TRPM3: variants seen among roughly 807,000 people sequenced by gnomAD.
TRPM3 encodes the protein long transient receptor potential channel 3.
A neutral mutation model predicts 181.2 loss-of-function variants in TRPM3; 77 were observed. That is an observed-to-expected ratio of 0.42 (90% CI 0.35 to 0.51). The LOEUF (loss-of-function observed/expected upper bound fraction) is 0.51. Ranked by LOEUF, TRPM3 falls within the 20% of genes least tolerant of loss-of-function variation. The pLI is 0.01. For missense variants in TRPM3, 1,759 were observed against 2,196.7 expected (o/e 0.80, Z 3.98); for synonymous variants, 745 against 796.4 (o/e 0.94, Z 1.09).
chr9:70,839,906 T>C (rs1337032), intron 5 of TRPM3, among the ~76,000 whole-genome samples: 80,401 of 151,994 alleles, frequency 0.53, 21,899 homozygotes, highest in Non-Finnish European at 0.56. Flanking sequence ...TGATTTTTAT[T>C]ATATAAAATG....
At position 71,420,736 on chromosome 9, in the gene TRPM3, A is replaced by G. The variant is rs560476136; in HGVS notation, c.183+25917T>C. On this transcript the variant is annotated intron_variant, in intron 1 of 24. Transcript: ENST00000357533. ...GAAAGAGAGAAAGAGAGAGAGAGAG[A>G]AAGAGAGAGAAAGAGAGAGAAAGAG... Among the ~76,000 whole-genome samples the G allele has an allele frequency of 1.9e-3, 117 of 61,028 alleles. 3 individuals are homozygous for G. Among genetic ancestry groups the G allele is most frequent in the Non-Finnish European group, 3.8e-3 (96 of 25,388 alleles). The allele number at this position is 61,028 out of a possible 152,430, so 40.0% of individuals were successfully genotyped here. A position where few individuals can be genotyped will look rare whatever the true frequency, so the allele number is the denominator to read the frequency against.
chr9:71,269,774 G>T (rs966270169), intron 1 of TRPM3, among the ~76,000 whole-genome samples: 5 of 152,166 alleles, frequency 3.3e-5, no homozygotes, highest in Non-Finnish European at 5.9e-5. Flanking sequence ...TGTGGATTTT[G>T]TTCCCTATAA....
intron 1 of TRPM3, among the ~76,000 whole-genome samples, chr9:71,204,079 T>C (rs2078969863): frequency 6.6e-6 from 1 of 151,368 alleles, no homozygotes; most frequent in Non-Finnish European, 1.5e-5. Flanking sequence ...GATTAAAGAC[T>C]TAAACATTAG....
chr9:70,970,219 C>A (rs768091456), intron 1 of TRPM3, among the ~76,000 whole-genome samples: 1 of 152,082 alleles, frequency 6.6e-6, no homozygotes, highest in African/African-American at 2.4e-5. Flanking sequence ...ATATTCCCAC[C>A]AGAGTGACTC....
chr9:70,686,690 C>CTTCCTTCCTGGAAACTCCTTCCTTCT (rs1563994395), intron 8 of TRPM3, among the ~76,000 whole-genome samples: 31 of 40,462 alleles, frequency 7.7e-4, no homozygotes, highest in African/African-American at 2.7e-3. Flanking sequence ...TCCTTCTTTC[C>CTTCCTTCCTGGAAACTCCTTCCTTCT]TTCCTTCCTT....
At position 70,848,907 on chromosome 9, in the gene TRPM3, G is replaced by C. The variant is rs1424776789; in HGVS notation, c.463-2316C>G. Among the ~76,000 whole-genome samples, 2 of 96,824 alleles carry C rather than the reference G, an allele frequency of 2.1e-5. 1 individual carries two copies. Among genetic ancestry groups the C allele is most frequent in the Non-Finnish European group, 4.3e-5 (2 of 46,042 alleles). The allele number at this position is 96,824 out of a possible 152,430, so 63.5% of individuals were successfully genotyped here. A position where few individuals can be genotyped will look rare whatever the true frequency, so the allele number is the denominator to read the frequency against. Reference sequence around the variant, plus strand: ...CAGGAGAATGGCTTGAACCCGGGAGGCGGAGCTTGCAGTGAGCCTAGATCG... The same window carrying C: ...CAGGAGAATGGCTTGAACCCGGGAGCCGGAGCTTGCAGTGAGCCTAGATCG... On this transcript the variant is annotated intron_variant, in intron 3 of 25. Coordinates refer to ENST00000677713, the MANE Select transcript of TRPM3 (RefSeq NM_001366145.2).
chr9:71,291,246 A>G lies in TRPM3; in HGVS notation c.183+155407T>C, dbSNP rs868440860. ...ATACCAGTTTTTCCAAAATTGGGAG[A>G]TTCACAACAATCAGTCAGAAGAGGC... On this transcript the variant is annotated intron_variant, in intron 1 of 24. Coordinates refer to the TRPM3 transcript ENST00000357533. Among the ~76,000 whole-genome samples, 28 of 152,260 alleles carry G rather than the reference A, an allele frequency of 1.8e-4. No homozygotes were observed. The Middle Eastern group carries it at 0.017, about 92-fold the overall frequency.
chr9:70,688,427 T>G (rs1451422207), intron 8 of TRPM3, among the ~76,000 whole-genome samples: 2 of 152,326 alleles, frequency 1.3e-5, no homozygotes, highest in African/African-American at 4.8e-5. Flanking sequence ...TACCCAATAT[T>G]GTACCCAACC....
intron 6 of TRPM3, among the ~76,000 whole-genome samples, chr9:70,816,046 A>G (rs1157123812): frequency 2.0e-5 from 3 of 152,236 alleles, no homozygotes; most frequent in Admixed American, 1.3e-4. Context: ...CAAGATGGAA[A>G]GGAAATCTCA....
intron 12 of TRPM3, among the ~76,000 whole-genome samples, chr9:70,629,216 G>GT (rs2065261818): frequency 3.3e-5 from 2 of 60,200 alleles, no homozygotes; most frequent in African/African-American, 1.6e-4. Flanking sequence ...GACCAGTGCC[G>GT]GGGGGGGGGG....
chr9:71,320,937 G>C (rs1470394176), intron 1 of TRPM3, among the ~76,000 whole-genome samples: 1 of 151,726 alleles, frequency 6.6e-6, no homozygotes, highest in Admixed American at 6.6e-5. Context: ...CCTTGACATC[G>C]CTCTCTCCCT....
chr9:70,636,484 A>G (rs1320960339), intron 11 of TRPM3, among the ~76,000 whole-genome samples: 1 of 152,178 alleles, frequency 6.6e-6, no homozygotes, highest in African/African-American at 2.4e-5. Context: ...GTCTTTCAGG[A>G]ATAGGAATGT....
At position 70,535,364 on chromosome 9, in the gene TRPM3, A is replaced by G; in HGVS notation, c.*589T>C. The stretch of plus-strand genomic sequence containing the variant: ...GTTACCTTGTTTTTTCTTTATAATG[A>G]TCAATTACAGAAGTGTTGGCATGAG... On this transcript the variant is annotated 3_prime_UTR_variant, in exon 26 of 26. Coordinates refer to ENST00000677713, the MANE Select transcript of TRPM3 (RefSeq NM_001366145.2). The G allele has an allele frequency of 6.6e-6, 10 of 1,519,916 alleles. No homozygotes were observed. The highest frequency in any genetic ancestry group is 8.0e-6 in the Non-Finnish European group (9 of 1,119,908). 94.2% of individuals were successfully genotyped at this position (1,519,916 alleles called of 1,614,324 possible).
intron 1 of TRPM3, among the ~76,000 whole-genome samples, chr9:71,420,801 A>AGAGAAAGAGAGAGAAAGAGAGAGAAAG (rs1565557524): frequency 3.6e-4 from 1 of 2,792 alleles, no homozygotes; most frequent in African/African-American, 1.2e-3. Flanking sequence ...GAGAGAAAGA[A>AGAGAAAGAGAGAGAAAGAGAGAGAAAG]AGAGAGAAAG....
At chr9:71,338,912 G>A (rs1254245888) in intron 1 of TRPM3, among the ~76,000 whole-genome samples, 1 of 152,080 alleles carries the variant, frequency 6.6e-6, no homozygotes, top group East Asian at 1.9e-4. Context: ...AATTCAATTA[G>A]ACACGAAACA....
At chr9:70,980,556 G>A (rs1291351685) in intron 1 of TRPM3, among the ~76,000 whole-genome samples, 2 of 152,086 alleles carry the variant, frequency 1.3e-5, no homozygotes, top group Non-Finnish European at 2.9e-5. Flanking sequence ...TGCTCCCCGG[G>A]GTTCTGAGGC....
chr9:71,062,122 T>G (rs2061402735), intron 1 of TRPM3, among the ~76,000 whole-genome samples: 1 of 152,020 alleles, frequency 6.6e-6, no homozygotes, highest in South Asian at 2.1e-4. Context: ...TAATAAAAAT[T>G]TAAAGATATA....
At chr9:70,682,438 A>C (rs962553456) in intron 8 of TRPM3, among the ~76,000 whole-genome samples, 2 of 152,140 alleles carry the variant, frequency 1.3e-5, no homozygotes, top group Non-Finnish European at 2.9e-5. Flanking sequence ...GACCCATTTA[A>C]TAGAGTAGAG....
chr9:71,199,548 A>G (rs1362127037), intron 1 of TRPM3, among the ~76,000 whole-genome samples: 1 of 152,192 alleles, frequency 6.6e-6, no homozygotes, highest in Non-Finnish European at 1.5e-5. Context: ...CCACAATTTC[A>G]GAGCCTGTTA....
Sources: gnomAD v4.1 joint callset for allele counts (sites outside exome capture counted in the v4.1 genomes callset) on GRCh38, gnomAD v4.1.1 for gene constraint, MANE v1.5 for transcripts, NCBI Gene and HGNC (gene_info 2026-07-23, HGNC 2026-07-21) for gene names.